Variants in PTDSS2 observed in about 807,000 individuals in gnomAD.
PTDSS2 encodes the protein phosphatidylserine synthase 2.
A neutral mutation model predicts 64.7 loss-of-function variants in PTDSS2; 41 were observed. The ratio of observed to expected loss-of-function variants is 0.63; its 90% confidence interval spans 0.49 to 0.82. The LOEUF (loss-of-function observed/expected upper bound fraction) is 0.82. Ranked by LOEUF, PTDSS2 falls within the 40% of genes least tolerant of loss-of-function variation. The pLI, the probability that PTDSS2 is intolerant of heterozygous loss-of-function variation, is 0.00. For synonymous variants in PTDSS2, 297 were observed against 277.8 expected (o/e 1.07, Z -0.69); for missense variants, 485 against 650.0 (o/e 0.75, Z 2.76).
At chr11:487,209 T>C (rs914388279) in intron 5 of PTDSS2, 136 bp downstream of exon 5, 30 of 1,023,558 alleles carry the variant, frequency 2.9e-5, no homozygotes, top group Non-Finnish European at 4.4e-5. Flanking sequence ...GCTGAGGCCC[T>C]GTCCGTCTGG....
At position 486,982 on chromosome 11, in the gene PTDSS2, A is replaced by T; in HGVS notation, c.479A>T (p.Lys160Met). 1 of 1,613,372 alleles carries T rather than the reference A, an allele frequency of 6.2e-7. No individual in the cohort carries two copies. Residue 160 changes from lysine (K) to methionine (M), a missense_variant, in exon 5 of 12, where the codon AAG becomes ATG. This residue lies in a region of PTDSS2 where 251 missense variants were observed against 348.0 expected (regional missense o/e 0.72). Transcript: ENST00000308020. ...CAGTTTCTAAAGTATGTTGACCCCA[A>T]GCTGGGAGTCCCACTGCCAGAGAGA... ...GRQFLKYVDP[K>M]LGVPLPERDY...
At chr11:487,263 C>G (rs886135963) in intron 5 of PTDSS2, 157 bp from the exon 6 acceptor site, 133 of 915,160 alleles carry the variant, frequency 1.5e-4, no homozygotes, top group Non-Finnish European at 1.7e-5. Context: ...TCTAGGCTGT[C>G]GTGGACGTGG....
intron 2 of PTDSS2, among the ~76,000 whole-genome samples, chr11:467,624 G>C (rs1182902707): frequency 6.6e-6 from 1 of 151,898 alleles, no homozygotes; most frequent in Non-Finnish European, 1.5e-5. Context: ...TGGCATGGTG[G>C]CAGGCACCTA....
Position 490,753 on chromosome 11 carries a change from C to T in PTDSS2, c.*171C>T, listed in dbSNP as rs1848639201. The stretch of plus-strand genomic sequence containing the variant: ...GGGGTGGAGGAGGCCCCAGCACAGC[C>T]TCATCTCCATGTGTACACGTGTGTA... On this transcript the variant is annotated 3_prime_UTR_variant, in exon 12 of 12. Coordinates refer to ENST00000308020, the MANE Select transcript of PTDSS2 (RefSeq NM_030783.3). 3.1e-6 allele frequency: 2 copies of T among 636,508 alleles called. No homozygotes were observed. Among genetic ancestry groups the T allele is most frequent in the African/African-American group, 3.7e-5 (2 of 53,834 alleles). 39.4% of individuals were successfully genotyped at this position (636,508 alleles called of 1,614,324 possible).
rs368346208 is a variant in PTDSS2, at chr11:469,503, C to T, written c.285-4392C>T. ...TAATCGGAGGGAGGAGGAGGGGAGT[C>T]TCTGGGTAATCGGAGGGAGGAGGAG... is the stretch of plus-strand genomic sequence containing the variant. On this transcript the variant is annotated intron_variant, in intron 2 of 11. Transcript: ENST00000308020. 7.9e-5 allele frequency among the ~76,000 whole-genome samples: 12 copies of T among 151,064 alleles called. No individual in the cohort carries two copies. In the East Asian group the frequency reaches 2.1e-3, roughly 27 times the overall value.
chr11:482,389 A>G (rs1332282210), intron 4 of PTDSS2, among the ~76,000 whole-genome samples: 1 of 151,840 alleles, frequency 6.6e-6, no homozygotes, highest in African/African-American at 2.4e-5. Flanking sequence ...CACCCGACTA[A>G]TTTTGTATTT....
chr11:489,195 C>G (rs1426279451), intron 8 of PTDSS2, among the ~76,000 whole-genome samples: 1 of 152,224 alleles, frequency 6.6e-6, no homozygotes, highest in Non-Finnish European at 1.5e-5. Flanking sequence ...GGTGGCCAGA[C>G]CTCGGAGAAC....
chr11:490,475 G>T lies in PTDSS2; in HGVS notation c.1357G>T (p.Asp453Tyr), dbSNP rs762215454. The change falls in exon 12 of 12, where the codon GAC becomes TAC. Residue 453 changes from aspartate (D) to tyrosine (Y), a missense_variant. Asp to Tyr is a radical substitution (Grantham distance 160, BLOSUM62 -3). This residue lies in a region of PTDSS2 where 219 missense variants were observed against 257.3 expected (regional missense o/e 0.85). Coordinates refer to ENST00000308020, the MANE Select transcript of PTDSS2 (RefSeq NM_030783.3). Reference protein sequence around the residue: ...TRWQKWQNKDDQGSTVGNGDQ... With the variant: ...TRWQKWQNKDYQGSTVGNGDQ... Reference sequence around the variant, plus strand: ...GTGGCAGAAGTGGCAGAACAAGGATGACCAGGGCAGCACCGTCGGCAACGG... The same window carrying T: ...GTGGCAGAAGTGGCAGAACAAGGATTACCAGGGCAGCACCGTCGGCAACGG... The T allele has an allele frequency of 3.7e-6, 6 of 1,613,214 alleles. No homozygotes were observed. The Admixed American group carries it at 8.3e-5, about 22-fold the overall frequency.
In PTDSS2 at chr11:489,636, A is replaced by C. The variant is rs1374759622; in HGVS notation, c.1018A>C (p.Met340Leu). Reference sequence around the variant, plus strand: ...GTTCTACCTGAAGTTTGTGCTGTGGATGCCCCCGGAGCACTACCTGGTCCT... The same window carrying C: ...GTTCTACCTGAAGTTTGTGCTGTGGCTGCCCCCGGAGCACTACCTGGTCCT... ...NTFYLKFVLW[M>L]PPEHYLVLLR... The change falls in exon 10 of 12, where the codon ATG (methionine) becomes CTG (leucine). Residue 340 changes from methionine to leucine, a missense_variant. Coordinates refer to ENST00000308020, the MANE Select transcript of PTDSS2 (RefSeq NM_030783.3). The C allele has an allele frequency of 6.3e-7, 1 of 1,595,224 alleles. No individual in the cohort carries two copies. Among genetic ancestry groups the C allele is most frequent in the African/African-American group, 1.3e-5 (1 of 74,606 alleles).
chr11:456,010 G>T (rs2062507144), intron 1 of PTDSS2, among the ~76,000 whole-genome samples: 1 of 152,142 alleles, frequency 6.6e-6, no homozygotes, highest in African/African-American at 2.4e-5. Context: ...TACCGGCCCT[G>T]ACTTGCCTGC....
At chr11:484,760 AGTGC>A (rs2133827792) in intron 4 of PTDSS2, among the ~76,000 whole-genome samples, 1 of 132,890 alleles carries the variant, frequency 7.5e-6, no homozygotes. Flanking sequence ...GGCGAGTGTA[AGTGC>A]ACGGGTGTGT....
chr11:449,623 G>A (rs1186437374), upstream of PTDSS2, among the ~76,000 whole-genome samples: 1 of 152,058 alleles, frequency 6.6e-6, no homozygotes, highest in East Asian at 1.9e-4. Context: ...CACCATTTTC[G>A]CCCGCCCAAT....
In PTDSS2 at chr11:490,631, GCCT is replaced by G. The variant is rs1197655553; in HGVS notation, c.*56_*58del. On this transcript the variant is annotated 3_prime_UTR_variant, in exon 12 of 12. Transcript: ENST00000308020. ...GCCTCCCAGAGCCCAGGCCTCCGTGGCCTCCTCCTGTGTGAGTCCCACCAGGAG... is the reference window on the plus strand; with the variant it reads ...GCCTCCCAGAGCCCAGGCCTCCGTGGCCTCCTGTGTGAGTCCCACCAGGAG... The G allele has an allele frequency of 1.3e-6, 2 of 1,519,552 alleles. No homozygotes were observed. The highest frequency in any genetic ancestry group is 4.1e-5 in the Admixed American group (2 of 48,774). The allele number at this position is 1,519,552 out of a possible 1,614,324, so 94.1% of individuals were successfully genotyped here.
chr11:459,369 C>T (rs1043899257), intron 1 of PTDSS2: 3 of 151,052 alleles, frequency 2.0e-5, no homozygotes, highest in East Asian at 2.0e-4. Flanking sequence ...CTGGGTTAGA[C>T]GTGAGGACAC....
At chr11:484,942 CGTGTGTGCTCACTGTGT>C (rs937505800) in intron 4 of PTDSS2, among the ~76,000 whole-genome samples, 1 of 135,114 alleles carries the variant, frequency 7.4e-6, no homozygotes, top group Non-Finnish European at 1.6e-5. Context: ...TGCACGGGCG[CGTGTGTGCTCACTGTGT>C]GCGCAGGCGA....
Position 475,442 on chromosome 11 carries a change from G to A in PTDSS2, c.367+1465G>A, listed in dbSNP as rs796067093. Among the ~76,000 whole-genome samples the A allele has an allele frequency of 8.5e-3, 785 of 92,596 alleles. 2 individuals carry two copies. Among genetic ancestry groups the A allele is most frequent in the Non-Finnish European group, 0.012 (566 of 45,770 alleles). The allele number at this position is 92,596 out of a possible 152,430, so 60.7% of individuals were successfully genotyped here. ...CATTTGTGTGTACAGACATTCACGC[G>A]TTTGTGTGATACGGATATATTCACG... is the stretch of plus-strand genomic sequence containing the variant. On this transcript the variant is annotated intron_variant, in intron 3 of 11. Coordinates refer to ENST00000308020, the MANE Select transcript of PTDSS2 (RefSeq NM_030783.3).
chr11:460,095 C>A lies in PTDSS2; in HGVS notation c.183-92C>A. ...TGGAGAGTGGAGTTTAAGCCCTCTC[C>A]TTGACGTAGAGAGGATTTGGGGCCT... On this transcript the variant is annotated intron_variant, in intron 1 of 11. Coordinates refer to ENST00000308020, the MANE Select transcript of PTDSS2 (RefSeq NM_030783.3). This position sits in a 1 kb window ranked among gnomAD's most constrained non-coding sequence, Gnocchi z 5.8. 1 of 991,142 alleles carries A rather than the reference C, an allele frequency of 1.0e-6. No homozygotes were observed. The highest frequency in any genetic ancestry group is 1.4e-5 in the South Asian group (1 of 71,552). The allele number at this position is 991,142 out of a possible 1,614,324, so 61.4% of individuals were successfully genotyped here. A position where few individuals can be genotyped will look rare whatever the true frequency, so the allele number is the denominator to read the frequency against.
rs563818028 is a variant in PTDSS2, at chr11:481,339, T to C, written c.435+2187T>C. Among the ~76,000 whole-genome samples the C allele has an allele frequency of 8.5e-5, 13 of 152,330 alleles. No homozygotes were observed. The East Asian group carries it at 2.3e-3, about 27-fold the overall frequency. ...GATGGTTTTGAATCATCTGGGTCTC[T>C]TGCGTTTCCAAATGAATGTGAGGGT... is the stretch of plus-strand genomic sequence containing the variant. On this transcript the variant is annotated intron_variant, in intron 4 of 11. Transcript: ENST00000308020.
chr11:479,449 G>T lies in PTDSS2; in HGVS notation c.435+297G>T, dbSNP rs1847972832. 1 of 499,838 alleles carries T rather than the reference G, an allele frequency of 2.0e-6. No individual in the cohort carries two copies. The allele number at this position is 499,838 out of a possible 1,614,324, so 31.0% of individuals were successfully genotyped here. On this transcript the variant is annotated intron_variant, in intron 4 of 11. Coordinates refer to ENST00000308020, the MANE Select transcript of PTDSS2 (RefSeq NM_030783.3). This position sits in a 1 kb window ranked among gnomAD's most constrained non-coding sequence, Gnocchi z 4.2. Reference sequence around the variant, plus strand: ...TTTAGCAGGGCCACACTTAAGGAGGGCAGGGCCAGTGGTGCAGGCACAGAA... The same window carrying T: ...TTTAGCAGGGCCACACTTAAGGAGGTCAGGGCCAGTGGTGCAGGCACAGAA...
Sources: gnomAD v4.1 joint callset for allele counts (sites outside exome capture counted in the v4.1 genomes callset) on GRCh38, gnomAD v4.1.1 for gene constraint, gnomAD v4.1.1 regional missense constraint, Gnocchi (gnomAD v3.1) non-coding constraint, MANE v1.5 for transcripts, NCBI Gene and HGNC (gene_info 2026-07-23, HGNC 2026-07-21) for gene names.